TKTL1: variants seen among roughly 807,000 people sequenced by gnomAD.
The protein encoded by TKTL1 is transketolase-like protein 1.
Under a neutral mutation model 39.3 loss-of-function variants are expected in TKTL1, and 1 was observed. That is an observed-to-expected ratio of 0.03 (90% CI 0.01 to 0.12). The LOEUF is 0.12. Ranked by LOEUF, TKTL1 falls within the 10% of genes least tolerant of loss-of-function variation. TKTL1 has a pLI of 1.00. For missense variants in TKTL1, 575 were observed against 509.6 expected (o/e 1.13, Z -1.24); for synonymous variants, 262 against 193.8 (o/e 1.35, Z -2.92).
At chrX:154,311,791 G>A (rs1367568259) in intron 5 of TKTL1, among the ~76,000 whole-genome samples, 33 of 111,206 alleles carry the variant, frequency 3.0e-4, no homozygotes, top group Admixed American at 2.4e-3. Flanking sequence ...GACTCCTACC[G>A]AAAATATAGT....
chrX:154,310,740 G>A, intron 3 of TKTL1, 96 bp from the exon 4 acceptor site: 1 of 746,028 alleles, frequency 1.3e-6, no homozygotes, highest in South Asian at 2.5e-5. Context: ...TGGAGCAGCA[G>A]CTCCAGTTGC....
chrX:154,303,960 G>A (rs1482885627), intron 1 of TKTL1, among the ~76,000 whole-genome samples: 1 of 109,716 alleles, frequency 9.1e-6, no homozygotes, highest in Non-Finnish European at 1.9e-5. Flanking sequence ...AGTAGAAAGG[G>A]CACATCGTCT....
intron 10 of TKTL1, among the ~76,000 whole-genome samples, chrX:154,326,137 T>C (rs1557171937): frequency 9.0e-6 from 1 of 111,598 alleles, no homozygotes; most frequent in Non-Finnish European, 1.9e-5. Flanking sequence ...CAGTCCTATC[T>C]GTAGATGAGG....
chrX:154,329,525 G>C lies in TKTL1; in HGVS notation c.1628G>C (p.Gly543Ala). The C allele has an allele frequency of 8.3e-7, 1 of 1,211,490 alleles. No individual in the cohort carries two copies. The highest frequency in any genetic ancestry group is 1.1e-6 in the Non-Finnish European group (1 of 895,196). ...ATCCTTGTTTCCCCAGGTGGCATCG[G>C]GGAAGCTGTCTGCGCAGCCGTCTCC... The part of the protein sequence containing the change: ...VEDHYPQGGI[G>A]EAVCAAVSMD... The change falls in exon 13 of 13, where the codon GGG becomes GCG. Residue 543 changes from glycine (G) to alanine (A), a missense_variant. Physicochemically the swap from Gly to Ala is moderately conservative, Grantham distance 60 (BLOSUM62 0). Transcript: ENST00000369915.
At chrX:154,312,556 T>C (rs782580046) in intron 5 of TKTL1, 24 bp from the exon 6 acceptor site, 5 of 1,189,211 alleles carry the variant, frequency 4.2e-6, no homozygotes, top group Non-Finnish European at 4.5e-6. Flanking sequence ...ATGGAATGGA[T>C]GTCTTTTGTT....
chrX:154,311,339 T>A (rs1489155250), intron 5 of TKTL1, 101 bp downstream of exon 5: 7 of 1,073,176 alleles, frequency 6.5e-6, no homozygotes, highest in Non-Finnish European at 8.9e-6. Flanking sequence ...GATGACTCAT[T>A]TAGTGAATAG....
intron 1 of TKTL1, among the ~76,000 whole-genome samples, chrX:154,304,648 T>A (rs1310320486): frequency 9.2e-6 from 1 of 108,696 alleles, no homozygotes; most frequent in Non-Finnish European, 1.9e-5. Context: ...ATTTTCTTAA[T>A]GGGGACTTTC....
At chrX:154,318,128 G>T (rs1223507764) in intron 7 of TKTL1, among the ~76,000 whole-genome samples, 1 of 110,991 alleles carries the variant, frequency 9.0e-6, no homozygotes, top group South Asian at 3.8e-4. Context: ...GAATGCAGTG[G>T]CACAATCATG....
At chrX:154,306,939 A>G (rs2067319429) in intron 2 of TKTL1, among the ~76,000 whole-genome samples, 1 of 109,827 alleles carries the variant, frequency 9.1e-6, no homozygotes, top group African/African-American at 3.4e-5. Flanking sequence ...AGCCCTCTTT[A>G]CAATGAAAAT....
At chrX:154,325,176 G>C (rs1362529524) in intron 9 of TKTL1, among the ~76,000 whole-genome samples, 163 bp from the exon 10 acceptor site, 1 of 111,921 alleles carries the variant, frequency 8.9e-6, no homozygotes, top group Non-Finnish European at 1.9e-5. Flanking sequence ...GGTCCTGCTG[G>C]GACCTGTCGT....
At chrX:154,306,486 A>G (rs2067315746) in intron 2 of TKTL1, among the ~76,000 whole-genome samples, 2 of 111,966 alleles carry the variant, frequency 1.8e-5, no homozygotes, top group African/African-American at 6.5e-5. Flanking sequence ...AATAAATAGA[A>G]TTTACATGTG....
intron 1 of TKTL1, among the ~76,000 whole-genome samples, chrX:154,297,245 T>G (rs913702588): frequency 4.5e-5 from 5 of 110,446 alleles, no homozygotes; most frequent in Non-Finnish European, 7.6e-5. Context: ...GTCTACAGGT[T>G]TTTTTTGTTT....
intron 9 of TKTL1, among the ~76,000 whole-genome samples, chrX:154,324,385 C>T (rs2067477274): frequency 8.9e-6 from 1 of 112,403 alleles, no homozygotes; most frequent in Non-Finnish European, 1.9e-5. Flanking sequence ...AGTGATCCAC[C>T]CACCTTGGCC....
chrX:154,322,457 G>A (rs782032526), intron 8 of TKTL1, among the ~76,000 whole-genome samples: 70 of 110,611 alleles, frequency 6.3e-4, no homozygotes, highest in Admixed American at 5.4e-3. Context: ...GCTTGAACCT[G>A]GGAGGTAGAG....
intron 1 of TKTL1, among the ~76,000 whole-genome samples, chrX:154,299,924 T>C (rs1371042042): frequency 8.9e-5 from 10 of 111,976 alleles, no homozygotes; most frequent in African/African-American, 2.9e-4. Context: ...CTTTTTCATA[T>C]AATGACTTTT....
rs781793466 is a variant in TKTL1 at position 154,315,270 on chromosome X, T to A, written c.962T>A (p.Phe321Tyr). The A allele has an allele frequency of 1.7e-6, 2 of 1,211,205 alleles. No individual in the cohort carries two copies. The highest frequency in any genetic ancestry group is 2.2e-6 in the Non-Finnish European group (2 of 895,234). ...VLDGDTRYST[F>Y]SEIFNKEYPE... ...GATGGTGACACCAGGTACTCTACTTTCTCTGAGATATTCAACAAGGAGTAC... is the reference window on the plus strand; with the variant it reads ...GATGGTGACACCAGGTACTCTACTTACTCTGAGATATTCAACAAGGAGTAC... The change falls in exon 7 of 13, where the codon TTC becomes TAC. Residue 321 changes from phenylalanine (F) to tyrosine (Y), a missense_variant. Physicochemically the swap from Phe to Tyr is conservative, Grantham distance 22. Transcript: ENST00000369915.
intron 6 of TKTL1, among the ~76,000 whole-genome samples, chrX:154,313,286 T>C (rs1290641603): frequency 2.7e-5 from 3 of 112,443 alleles, no homozygotes; most frequent in African/African-American, 9.7e-5. Context: ...CGGGCTGACC[T>C]TTTGAACTTA....
intron 9 of TKTL1, among the ~76,000 whole-genome samples, chrX:154,324,153 T>G (rs963790170): frequency 9.0e-6 from 1 of 110,892 alleles, no homozygotes; most frequent in Non-Finnish European, 1.9e-5. Flanking sequence ...TTTTTTGGGT[T>G]TTTTTTCTTT....
In TKTL1 at chrX:154,295,890, C is replaced by T. The variant is rs983310656; in HGVS notation, c.31C>T (p.Pro11Ser). Residue 11 changes from proline (P) to serine (S), a missense_variant, in exon 1 of 13, where the codon CCG (proline) becomes TCG (serine). Pro to Ser is a moderately conservative substitution (Grantham distance 74). Coordinates refer to ENST00000369915, the MANE Select transcript of TKTL1 (RefSeq NM_012253.4). MADAEARAEF[P>S]EEARPDRGTL... ...GGATGCTGAGGCGAGGGCTGAGTTC[C>T]CGGAGGAGGCCAGACCTGACAGGGG... 4.1e-6 allele frequency: 5 copies of T among 1,211,827 alleles called. No homozygotes were observed. Among genetic ancestry groups the T allele is most frequent in the Admixed American group, 4.3e-5 (2 of 46,054 alleles).
Sources: allele counts gnomAD v4.1 joint callset (sites outside exome capture counted in the v4.1 genomes callset), GRCh38; gene constraint gnomAD v4.1.1; transcripts MANE v1.5; gene names NCBI Gene and HGNC (gene_info 2026-07-23, HGNC 2026-07-21).